TASP1: variants seen among roughly 807,000 people sequenced by gnomAD.
TASP1 encodes the protein threonine aspartase 1.
TASP1 carries 16 observed loss-of-function variants against 56.6 expected under a neutral mutation model. The ratio of observed to expected loss-of-function variants is 0.28; its 90% CI spans 0.19 to 0.43. The LOEUF (loss-of-function observed/expected upper bound fraction) is 0.43, where lower values mean the gene tolerates loss of function less well. Ranked by LOEUF, TASP1 falls within the 20% of genes least tolerant of loss-of-function variation. The pLI is 1.00. For missense variants in TASP1, 393 were observed against 511.6 expected (o/e 0.77, Z 2.24); for synonymous variants, 179 against 184.2 (o/e 0.97, Z 0.23).
At chr20:13,300,844 G>T in the TASP1 span, among the ~76,000 whole-genome samples, 2 of 152,098 alleles carry the variant, frequency 1.3e-5, no homozygotes, top group Admixed American at 6.5e-5. Context: ...GGAGGCTGAG[G>T]CCCATTGACA....
At chr20:13,208,114 T>C in the TASP1 span, among the ~76,000 whole-genome samples, 1 of 152,196 alleles carries the variant, frequency 6.6e-6, no homozygotes, top group African/African-American at 2.4e-5. Flanking sequence ...GAATGATGCA[T>C]ACTAAAATTA....
chr20:13,194,488 G>A, the TASP1 span, among the ~76,000 whole-genome samples: 1 of 151,786 alleles, frequency 6.6e-6, no homozygotes, highest in Non-Finnish European at 1.5e-5. Flanking sequence ...GCAACAAAAG[G>A]AGTTTCTTAG....
At chr20:13,181,664 T>C in the TASP1 span, among the ~76,000 whole-genome samples, 1 of 152,152 alleles carries the variant, frequency 6.6e-6, no homozygotes, top group Admixed American at 6.5e-5. Flanking sequence ...TATTACCCAC[T>C]TGCTCTGATG....
At chr20:13,254,050 A>C in the TASP1 span, among the ~76,000 whole-genome samples, 1 of 128,488 alleles carries the variant, frequency 7.8e-6, no homozygotes. Context: ...AAACCCCATC[A>C]TCTCTACTAA....
intron 2 of TASP1, among the ~76,000 whole-genome samples, chr20:13,628,210 G>C (rs2048966091): frequency 1.3e-5 from 2 of 152,166 alleles, no homozygotes; most frequent in African/African-American, 4.8e-5. Context: ...GTCTAAGACA[G>C]GAGGGACAGG....
intron 11 of TASP1, among the ~76,000 whole-genome samples, chr20:13,463,446 A>G (rs111619221): frequency 7.9e-5 from 12 of 152,288 alleles, no homozygotes; most frequent in African/African-American, 2.9e-4. Flanking sequence ...GCTTCATGAC[A>G]TTGGATTTGG....
At chr20:13,631,246 C>T (rs1030867445) in intron 1 of TASP1, among the ~76,000 whole-genome samples, 6 of 152,020 alleles carry the variant, frequency 3.9e-5, no homozygotes, top group African/African-American at 1.4e-4. Flanking sequence ...ATATACACAT[C>T]GTTGCATTCA....
At chr20:13,601,772 C>T (rs576582334) in intron 4 of TASP1, among the ~76,000 whole-genome samples, 8 of 150,278 alleles carry the variant, frequency 5.3e-5, no homozygotes, top group South Asian at 4.2e-4. Flanking sequence ...ACATCAACAG[C>T]GATAAGTCAT....
chr20:13,288,701 T>C, the TASP1 span: 2 of 1,600,680 alleles, frequency 1.2e-6, no homozygotes, highest in East Asian at 4.5e-5. Context: ...TACCTGAGTG[T>C]GTAGCTCCAA....
chr20:13,171,025 T>A, the TASP1 span, among the ~76,000 whole-genome samples: 6 of 152,198 alleles, frequency 3.9e-5, no homozygotes, highest in Non-Finnish European at 7.4e-5. Context: ...TGTGGGGTCA[T>A]GGAAAATGCT....
At chr20:13,137,594 C>T in the TASP1 span, among the ~76,000 whole-genome samples, 1 of 152,100 alleles carries the variant, frequency 6.6e-6, no homozygotes, top group South Asian at 2.1e-4. Flanking sequence ...CTGCTGAGAA[C>T]ATCAGAGAGG....
intron 2 of TASP1, 128 bp from the exon 3 acceptor site, chr20:13,625,380 G>A (rs567190813): frequency 1.5e-5 from 9 of 601,366 alleles, no homozygotes; most frequent in East Asian, 1.3e-4. Flanking sequence ...ACTGTATGGC[G>A]TTTTATGACT....
chr20:13,372,756 T>C, the TASP1 span, among the ~76,000 whole-genome samples: 10 of 152,188 alleles, frequency 6.6e-5, no homozygotes, highest in East Asian at 1.3e-3. Flanking sequence ...TAGTGTAACA[T>C]TTTAATTTAT....
intron 9 of TASP1, among the ~76,000 whole-genome samples, chr20:13,530,233 A>G (rs1444471631): frequency 6.6e-6 from 1 of 152,176 alleles, no homozygotes; most frequent in African/African-American, 2.4e-5. Context: ...CATAGTTGCT[A>G]TCTCCAGATG....
the TASP1 span, among the ~76,000 whole-genome samples, chr20:13,381,609 G>A: frequency 6.6e-6 from 1 of 152,094 alleles, no homozygotes; most frequent in Non-Finnish European, 1.5e-5. Context: ...CTTCTTTTTG[G>A]TGAACTAGCT....
At chr20:13,106,249 AGAACATT>A in the TASP1 span, among the ~76,000 whole-genome samples, 1 of 152,184 alleles carries the variant, frequency 6.6e-6, no homozygotes, top group East Asian at 1.9e-4. Flanking sequence ...CTCCAGGAAA[AGAACATT>A]GATGCAATTA....
chr20:13,198,441 C>T, the TASP1 span, among the ~76,000 whole-genome samples: 1 of 152,042 alleles, frequency 6.6e-6, no homozygotes, highest in African/African-American at 2.4e-5. Flanking sequence ...TTGAGGGCTC[C>T]ATCTTCATGA....
At chr20:13,517,440 T>C (rs2044582890) in intron 10 of TASP1, among the ~76,000 whole-genome samples, 1 of 152,140 alleles carries the variant, frequency 6.6e-6, no homozygotes, top group African/African-American at 2.4e-5. Context: ...AAAATGTTCA[T>C]TATAAAATAT....
intron 10 of TASP1, among the ~76,000 whole-genome samples, chr20:13,488,555 C>A (rs926694992): frequency 1.3e-5 from 2 of 152,074 alleles, no homozygotes; most frequent in Non-Finnish European, 2.9e-5. Context: ...TTTTAACTCC[C>A]AGCTCACTTT....
Sources: gnomAD v4.1 joint callset for allele counts (sites outside exome capture counted in the v4.1 genomes callset) on GRCh38, gnomAD v4.1.1 for gene constraint, MANE v1.5 for transcripts, NCBI Gene and HGNC (gene_info 2026-07-23, HGNC 2026-07-21) for gene names.